AREL1: variants seen among roughly 807,000 people sequenced by gnomAD.
The protein encoded by AREL1 is apoptosis resistant E3 ubiquitin protein ligase 1, also known as apoptosis-resistant E3 ubiquitin protein ligase 1.
In AREL1, 62 loss-of-function variants were observed where a neutral mutation model predicts 99.0. The observed-to-expected ratio is 0.63, with a 90% CI of 0.51 to 0.77. AREL1 has a LOEUF of 0.77. AREL1 is among the 30% of genes least tolerant of loss of function. The pLI is 0.00. For synonymous variants in AREL1, 380 were observed against 376.5 expected, an observed-to-expected ratio of 1.01 and a Z score of -0.11; for missense variants, 879 against 1,027.6, an observed-to-expected ratio of 0.86 and a Z score of 1.98.
intron 1 of AREL1, among the ~76,000 whole-genome samples, chr14:74,694,005 C>T (rs763104571): frequency 1.3e-5 from 2 of 151,984 alleles, no homozygotes; most frequent in Admixed American, 6.6e-5. Flanking sequence ...AACAAAACCC[C>T]GTCTCTACAA....
At chr14:74,698,260 T>G (rs1566700822) in intron 1 of AREL1, among the ~76,000 whole-genome samples, 1 of 152,186 alleles carries the variant, frequency 6.6e-6, no homozygotes, top group Non-Finnish European at 1.5e-5. Context: ...TTTTAAATGA[T>G]ATTATTTTTC....
rs758720467 is a variant in AREL1, at chr14:74,676,217, T to C, written c.756A>G (p.Arg252=). ...ATGAAATGCAAGCATGGAAGCAGCC[T>C]CGAGAATGCAGGGTGAGTCGCAAGA... The part of the protein sequence containing the change: ...QVFLRLTLHS[R]GCFHACISYQ... Residue 252 remains arginine (R), a synonymous_variant, in exon 7 of 20, where the codon CGA becomes CGG. Transcript: ENST00000356357. 2 of 1,614,148 alleles carry C rather than the reference T, an allele frequency of 1.2e-6. No individual in the cohort carries two copies. Among genetic ancestry groups the C allele is most frequent in the South Asian group, 1.1e-5 (1 of 91,080 alleles).
chr14:74,671,549 A>C, intron 11 of AREL1, 66 bp from the exon 12 acceptor site: 1 of 1,097,144 alleles, frequency 9.1e-7, no homozygotes, highest in Non-Finnish European at 1.3e-6. Flanking sequence ...TGTTAAAGAC[A>C]ACACAAGAGC....
At chr14:74,705,043 G>GTTT (rs58161849) in intron 1 of AREL1, among the ~76,000 whole-genome samples, 1 of 143,964 alleles carries the variant, frequency 6.9e-6, no homozygotes, top group Admixed American at 6.9e-5. Context: ...GTCTTCTGTT[G>GTTT]TTTTTTTTTT....
In AREL1 at chr14:74,662,234, C is replaced by T; in HGVS notation, c.*1486G>A. 1 of 216,686 alleles carries T rather than the reference C, an allele frequency of 4.6e-6. No individual in the cohort carries two copies. Among genetic ancestry groups the T allele is most frequent in the Non-Finnish European group, 9.1e-6 (1 of 110,400 alleles). 13.4% of individuals were successfully genotyped at this position (216,686 alleles called of 1,614,324 possible). On this transcript the variant is annotated 3_prime_UTR_variant, in exon 20 of 20. Coordinates refer to ENST00000356357, the MANE Select transcript of AREL1 (RefSeq NM_001039479.2). ...CTGTAGCAGCTCAGGAGGGCTTGTT[C>T]CTCATGATCCCTGCGAACAGGAGGG... is the stretch of plus-strand genomic sequence containing the variant.
intron 5 of AREL1, among the ~76,000 whole-genome samples, 200 bp downstream of exon 5, chr14:74,683,096 T>C (rs2139915886): frequency 6.6e-6 from 1 of 152,258 alleles, no homozygotes; most frequent in East Asian, 1.9e-4. Context: ...GGTTTCTTTT[T>C]GAGGTGATGA....
intron 2 of AREL1, 42 bp downstream of exon 2, chr14:74,691,999 T>C (rs1161876070): frequency 3.0e-6 from 1 of 330,604 alleles, no homozygotes; most frequent in Non-Finnish European, 5.7e-6. Flanking sequence ...ATCCATGTTG[T>C]ACATCCCAAT....
intron 17 of AREL1, among the ~76,000 whole-genome samples, chr14:74,666,255 C>A (rs1370712654): frequency 6.6e-6 from 1 of 152,234 alleles, no homozygotes; most frequent in East Asian, 1.9e-4. Context: ...CAGAAAGACA[C>A]TCCTCATAGA....
At chr14:74,679,993 T>C (rs1440401537) in intron 5 of AREL1, among the ~76,000 whole-genome samples, 7 of 151,432 alleles carry the variant, frequency 4.6e-5, no homozygotes, top group African/African-American at 1.2e-4. Context: ...CTGGCCAACA[T>C]GGCAAAACTC....
chr14:74,670,363 A>G (rs2089306982), intron 13 of AREL1, among the ~76,000 whole-genome samples: 1 of 152,198 alleles, frequency 6.6e-6, no homozygotes, highest in African/African-American at 2.4e-5. Flanking sequence ...TAATCAGCAG[A>G]TGATGTGATG....
chr14:74,676,593 G>A lies in AREL1; in HGVS notation c.641C>T (p.Ser214Phe), dbSNP rs775638644. ...AGGGAGACTGCTTACCTCATGAATGGACAAGGTGTAATTGTGCTCATCTCT... is the reference window on the plus strand; with the variant it reads ...AGGGAGACTGCTTACCTCATGAATGAACAAGGTGTAATTGTGCTCATCTCT... ...SLRDEHNYTL[S>F]IHELGPQEEE... is the part of the protein sequence containing the mutation. Residue 214 changes from serine to phenylalanine, a missense_variant, in exon 6 of 20, where the codon TCC (serine) becomes TTC (phenylalanine). By Grantham distance (155) the Ser-to-Phe change is radical. Coordinates refer to ENST00000356357, the MANE Select transcript of AREL1 (RefSeq NM_001039479.2). 2 of 1,613,018 alleles carry A rather than the reference G, an allele frequency of 1.2e-6. No homozygotes were observed. The highest frequency in any genetic ancestry group is 1.1e-5 in the South Asian group (1 of 90,908).
At chr14:74,675,991 GA>G in intron 7 of AREL1, 45 bp from the exon 8 acceptor site, 1 of 1,538,552 alleles carries the variant, frequency 6.5e-7, no homozygotes. Context: ...AGTCAGAGAA[GA>G]AAAAAATTAC....
chr14:74,674,320 C>T (rs1163730097), intron 8 of AREL1, among the ~76,000 whole-genome samples: 7 of 152,142 alleles, frequency 4.6e-5, no homozygotes, highest in Non-Finnish European at 1.0e-4. Context: ...CCCTGATGGC[C>T]AAGTGTGGAT....
At chr14:74,696,052 T>C (rs1172336969) in intron 1 of AREL1, among the ~76,000 whole-genome samples, 1 of 152,230 alleles carries the variant, frequency 6.6e-6, no homozygotes, top group East Asian at 1.9e-4. Context: ...GCCAAGTTCA[T>C]TCATTTACAT....
chr14:74,682,977 C>T (rs2089664589), intron 5 of AREL1, among the ~76,000 whole-genome samples: 4 of 152,178 alleles, frequency 2.6e-5, no homozygotes, highest in Non-Finnish European at 5.9e-5. Context: ...TATTTCTTTA[C>T]AGCAAGACAA....
intron 11 of AREL1, 28 bp downstream of exon 11, chr14:74,672,803 C>T: frequency 6.2e-7 from 1 of 1,613,462 alleles, no homozygotes; most frequent in African/African-American, 1.3e-5. Flanking sequence ...ACTTTGGTAT[C>T]TGCTGACAGA....
rs770691364 is a variant in AREL1, at chr14:74,669,693, C to A, written c.1870G>T (p.Val624Phe). ...TTATTATATTTCTCTTCTGCAAAGA[C>A]CAGCTCCATCTCACTCATGTCATTG... Reference protein sequence around the residue: ...LNNDMSEMELVFAEEKYNKSG... With the variant: ...LNNDMSEMELFFAEEKYNKSG... Residue 624 changes from valine (V) to phenylalanine (F), a missense_variant, in exon 15 of 20, where the codon GTC (valine) becomes TTC (phenylalanine). By Grantham distance (50) the Val-to-Phe change is conservative. Coordinates refer to ENST00000356357, the MANE Select transcript of AREL1 (RefSeq NM_001039479.2). 5.0e-6 allele frequency: 8 copies of A among 1,614,026 alleles called. No homozygotes were observed. The highest frequency in any genetic ancestry group is 5.9e-6 in the Non-Finnish European group (7 of 1,180,018).
intron 1 of AREL1, among the ~76,000 whole-genome samples, chr14:74,706,464 T>C (rs574788121): frequency 1.3e-5 from 2 of 152,260 alleles, no homozygotes; most frequent in South Asian, 2.1e-4. Context: ...GGAAAAACAA[T>C]GTTAATTAAA....
intron 17 of AREL1, 55 bp from the exon 18 acceptor site, chr14:74,664,980 A>G (rs975624437): frequency 6.8e-7 from 1 of 1,476,428 alleles, no homozygotes; most frequent in Admixed American, 1.8e-5. Flanking sequence ...AAGACCCAAT[A>G]TAAGGTCAAA....
Sources: gnomAD v4.1 joint callset for allele counts (sites outside exome capture counted in the v4.1 genomes callset) on GRCh38, gnomAD v4.1.1 for gene constraint, MANE v1.5 for transcripts, NCBI Gene and HGNC (gene_info 2026-07-23, HGNC 2026-07-21) for gene names.